Variants in CNBD1 observed in about 807,000 individuals in gnomAD.
The protein encoded by CNBD1 is cyclic nucleotide binding domain containing 1.
A neutral mutation model predicts 54.4 loss-of-function variants in CNBD1; 71 were observed. That is an observed-to-expected ratio of 1.30 (90% CI 1.08 to 1.59). The LOEUF (loss-of-function observed/expected upper bound fraction) is 1.59. CNBD1 is among the 40% of genes most tolerant of loss of function. CNBD1 has a pLI of 0.00. For synonymous variants in CNBD1, 182 were observed against 170.7 expected, an observed-to-expected ratio of 1.07 and a Z score of -0.51; for missense variants, 659 against 518.0, an observed-to-expected ratio of 1.27 and a Z score of -2.64.
intron 4 of CNBD1, among the ~76,000 whole-genome samples, chr8:87,152,515 T>A (rs1339162714): frequency 6.6e-6 from 1 of 151,808 alleles, no homozygotes; most frequent in African/African-American, 2.4e-5. Flanking sequence ...GGGCCATAGT[T>A]AAAGTCATCC....
chr8:87,062,815 T>C (rs2974279), intron 4 of CNBD1, among the ~76,000 whole-genome samples: 101,156 of 151,866 alleles, frequency 0.67, 34,703 homozygotes, highest in African/African-American at 0.82. Flanking sequence ...CATGGGGCTT[T>C]GGTTAAAAGT....
At chr8:87,128,656 T>C (rs1050822525) in intron 4 of CNBD1, among the ~76,000 whole-genome samples, 1 of 152,192 alleles carries the variant, frequency 6.6e-6, no homozygotes. Context: ...TTTAGTTTGT[T>C]AATTTGGTGA....
chr8:87,425,759 C>G (rs1168862143), intron 2 of CNBD1, among the ~76,000 whole-genome samples: 2 of 152,152 alleles, frequency 1.3e-5, no homozygotes, highest in East Asian at 3.9e-4. Flanking sequence ...GCAGAGGTTA[C>G]TGCTGTCTTT....
chr8:87,197,236 G>A (rs1379584981), intron 4 of CNBD1, among the ~76,000 whole-genome samples: 2 of 152,174 alleles, frequency 1.3e-5, no homozygotes, highest in African/African-American at 2.4e-5. Context: ...GAGTGTGCCA[G>A]GAAGCACTGG....
intron 2 of CNBD1, among the ~76,000 whole-genome samples, chr8:87,417,614 A>T (rs767122148): frequency 6.7e-6 from 1 of 149,502 alleles, no homozygotes; most frequent in Non-Finnish European, 1.5e-5. Flanking sequence ...ATTTACATAC[A>T]CACAAAGCCA....
intron 4 of CNBD1, among the ~76,000 whole-genome samples, chr8:87,061,242 C>A (rs1810539736): frequency 6.6e-6 from 1 of 152,098 alleles, no homozygotes; most frequent in African/African-American, 2.4e-5. Context: ...AAGTGACAAG[C>A]AGGATTCTGT....
chr8:87,224,063 T>A, intron 5 of CNBD1, among the ~76,000 whole-genome samples: 1 of 151,328 alleles, frequency 6.6e-6, no homozygotes, highest in Non-Finnish European at 1.5e-5. Context: ...TCTGTTCATG[T>A]CCTTCACCCA....
intron 6 of CNBD1, among the ~76,000 whole-genome samples, chr8:87,276,430 G>C (rs1046590770): frequency 6.6e-6 from 1 of 151,814 alleles, no homozygotes; most frequent in Non-Finnish European, 1.5e-5. Flanking sequence ...GAAAAGGCTT[G>C]GATGCCATGG....
intron 5 of CNBD1, among the ~76,000 whole-genome samples, chr8:87,222,569 T>A (rs1004012858): frequency 2.6e-5 from 4 of 152,120 alleles, no homozygotes; most frequent in Non-Finnish European, 5.9e-5. Flanking sequence ...CAAGGAGGGA[T>A]TCACCACTGA....
chr8:87,130,882 T>C (rs1236897332), intron 4 of CNBD1, among the ~76,000 whole-genome samples: 1 of 152,132 alleles, frequency 6.6e-6, no homozygotes, highest in Non-Finnish European at 1.5e-5. Context: ...TTTTTGTTTA[T>C]GTATTTTGGG....
chr8:87,008,810 A>G (rs1312435179), intron 4 of CNBD1, among the ~76,000 whole-genome samples: 1 of 152,192 alleles, frequency 6.6e-6, no homozygotes, highest in Non-Finnish European at 1.5e-5. Flanking sequence ...CATCTTCCTT[A>G]TAAATAAAAC....
At chr8:87,323,473 T>G in intron 8 of CNBD1, among the ~76,000 whole-genome samples, 1 of 124,600 alleles carries the variant, frequency 8.0e-6, no homozygotes, top group African/African-American at 3.0e-5. Context: ...TATCCTCTTT[T>G]ATTTCCTTGA....
rs79422202 is a variant in CNBD1, at chr8:87,427,127, C to T, written c.214-1419C>T. ...ACCTCGCAGTTCCCCCTGTAAAGAG[C>T]TAGCATCCTTCATTCCTGATATATG... On this transcript the variant is annotated intron_variant, in intron 2 of 7. Coordinates refer to the CNBD1 transcript ENST00000521593. 3.1e-3 allele frequency among the ~76,000 whole-genome samples: 469 copies of T among 152,122 alleles called. 2 individuals are homozygous for T. The highest frequency in any genetic ancestry group is 0.011 in the African/African-American group (441 of 41,512).
intron 5 of CNBD1, among the ~76,000 whole-genome samples, chr8:87,229,736 T>C (rs568002592): frequency 6.6e-6 from 1 of 152,270 alleles, no homozygotes; most frequent in South Asian, 2.1e-4. Context: ...AGTACATCTA[T>C]ACAGAAGTCA....
At chr8:87,073,685 G>T (rs1454963227) in intron 4 of CNBD1, among the ~76,000 whole-genome samples, 2 of 152,094 alleles carry the variant, frequency 1.3e-5, no homozygotes, top group Non-Finnish European at 2.9e-5. Context: ...CCTTCCTCTG[G>T]AAGCTCTGTC....
chr8:87,119,100 A>AT (rs1811839623), intron 4 of CNBD1, among the ~76,000 whole-genome samples: 1 of 152,056 alleles, frequency 6.6e-6, no homozygotes, highest in Admixed American at 6.6e-5. Flanking sequence ...TTCCATATGA[A>AT]TTTTAAGATT....
chr8:87,355,172 A>C (rs1810396919), intron 10 of CNBD1, among the ~76,000 whole-genome samples: 1 of 152,224 alleles, frequency 6.6e-6, no homozygotes, highest in Admixed American at 6.5e-5. Context: ...ATAGCTATAC[A>C]CTGCCCCTTT....
rs1217331708 is a variant in CNBD1 at position 87,182,850 on chromosome 8, CT to C, written c.432-23142del. ...TTCTCCCATTTAGTAGGTTTTCTGC[CT>C]ATTCAGCTGATAATTTCTTTCTTTC... On this transcript the variant is annotated intron_variant, in intron 4 of 10. Transcript: ENST00000518476. The surrounding 1 kb of genome is among the most constrained non-coding windows in gnomAD (Gnocchi z 4.1). Among the ~76,000 whole-genome samples, 1 of 151,956 alleles carries C rather than the reference CT, an allele frequency of 6.6e-6. No homozygotes were observed. Among genetic ancestry groups the C allele is most frequent in the Non-Finnish European group, 1.5e-5 (1 of 67,944 alleles).
At chr8:86,959,418 C>G (rs553657365) in intron 4 of CNBD1, among the ~76,000 whole-genome samples, 1 of 152,196 alleles carries the variant, frequency 6.6e-6, no homozygotes, top group Non-Finnish European at 1.5e-5. Context: ...TGAGGAAGTT[C>G]TCCTCAATAA....
Sources: allele counts gnomAD v4.1 joint callset (sites outside exome capture counted in the v4.1 genomes callset), GRCh38; gene constraint gnomAD v4.1.1; non-coding constraint Gnocchi (gnomAD v3.1); transcripts MANE v1.5; gene names NCBI Gene and HGNC (gene_info 2026-07-23, HGNC 2026-07-21).